Variants in PTPRD observed in about 807,000 individuals in gnomAD.
PTPRD encodes protein tyrosine phosphatase receptor type D, also known as receptor-type tyrosine-protein phosphatase delta.
In PTPRD, 34 loss-of-function variants were observed where a neutral mutation model predicts 214.5. The observed-to-expected ratio is 0.16, with a 90% CI of 0.12 to 0.21. The LOEUF is 0.21. Ranked by LOEUF, PTPRD falls within the 10% of genes least tolerant of loss-of-function variation. The pLI is 1.00. For missense variants in PTPRD, 2,545 were observed against 2,398.7 expected (o/e 1.06, Z -1.27); for synonymous variants, 1,128 against 845.7 (o/e 1.33, Z -5.79).
chr9:10,454,178 C>T (rs1387915976), intron 2 of PTPRD, among the ~76,000 whole-genome samples: 1 of 151,460 alleles, frequency 6.6e-6, no homozygotes, highest in Non-Finnish European at 1.5e-5. Context: ...AATCTGGATA[C>T]CCAGATTTCC....
At chr9:8,756,618 G>C (rs1225548694) in intron 11 of PTPRD, among the ~76,000 whole-genome samples, 1 of 152,104 alleles carries the variant, frequency 6.6e-6, no homozygotes, top group African/African-American at 2.4e-5. Flanking sequence ...AACGTTGTTA[G>C]GGAATTAAGG....
At chr9:10,604,795 A>G (rs1160119199) in intron 2 of PTPRD, among the ~76,000 whole-genome samples, 2 of 151,938 alleles carry the variant, frequency 1.3e-5, no homozygotes, top group Admixed American at 6.6e-5. Flanking sequence ...AATGTATTAT[A>G]TAATAAAATA....
chr9:8,794,606 GTAGCTGGA>G (rs2096352618), intron 11 of PTPRD, among the ~76,000 whole-genome samples: 1 of 149,080 alleles, frequency 6.7e-6, no homozygotes, highest in African/African-American at 2.5e-5. Flanking sequence ...AGCCTCCCAA[GTAGCTGGA>G]GCTACAGGCA....
At position 9,815,777 on chromosome 9, in the gene PTPRD, G is replaced by C. The variant is rs183312924; in HGVS notation, c.-367-48926C>G. Among the ~76,000 whole-genome samples the C allele has an allele frequency of 3.4e-3, 519 of 152,238 alleles. 4 individuals carry two copies. Among genetic ancestry groups the C allele is most frequent in the African/African-American group, 0.012 (493 of 41,536 alleles). On this transcript the variant is annotated intron_variant, in intron 5 of 45. Transcript: ENST00000381196. ...GGGGATGGGGCATGAGAGTATGTTG[G>C]TCAAAGAGTCCAGACTTATAAGACG...
rs72696921 is a variant in PTPRD, at chr9:10,146,887, A to G, written c.-544-113097T>C. On this transcript the variant is annotated intron_variant, in intron 3 of 45. Transcript: ENST00000381196. ...TTCAGGAAGCCTTTACAAATATCCAATATATTTGGGGAAGCTCAATAGGGA... is the reference window on the plus strand; with the variant it reads ...TTCAGGAAGCCTTTACAAATATCCAGTATATTTGGGGAAGCTCAATAGGGA... 4.0e-3 allele frequency among the ~76,000 whole-genome samples: 614 copies of G among 152,276 alleles called. 1 individual carries two copies. Among genetic ancestry groups the G allele is most frequent in the Non-Finnish European group, 6.9e-3 (466 of 68,022 alleles).
In PTPRD at chr9:8,394,749, G is replaced by A. The variant is rs149936809; in HGVS notation, c.4211-5342C>T. Among the ~76,000 whole-genome samples the A allele has an allele frequency of 7.8e-4, 119 of 152,188 alleles. 2 individuals carry two copies. Among genetic ancestry groups the A allele is most frequent in the Non-Finnish European group, 4.4e-4 (30 of 68,012 alleles). On this transcript the variant is annotated intron_variant, in intron 36 of 45. Transcript: ENST00000381196. ...TGTGTCTCTCAGATTAGGTAGGAAC[G>A]CACTCTGATGCTCTTTCAAGCTGAT...
At chr9:9,756,261 A>G (rs2098575729) in intron 6 of PTPRD, among the ~76,000 whole-genome samples, 2 of 152,100 alleles carry the variant, frequency 1.3e-5, no homozygotes, top group Non-Finnish European at 2.9e-5. Flanking sequence ...TCTAAATAAG[A>G]CAAAGTCTAT....
chr9:10,223,819 T>C (rs2099579864), intron 3 of PTPRD, among the ~76,000 whole-genome samples: 1 of 151,248 alleles, frequency 6.6e-6, no homozygotes, highest in African/African-American at 2.4e-5. Flanking sequence ...AGCTTCCATA[T>C]ACACAAAACA....
chr9:8,784,404 T>C (rs908523665), intron 11 of PTPRD, among the ~76,000 whole-genome samples: 2 of 152,232 alleles, frequency 1.3e-5, no homozygotes, highest in East Asian at 3.8e-4. Context: ...AGGCAGATAT[T>C]TTCATTGCTT....
intron 2 of PTPRD, among the ~76,000 whole-genome samples, chr9:10,434,091 T>C (rs983808754): frequency 2.0e-4 from 30 of 152,084 alleles, no homozygotes; most frequent in Non-Finnish European, 4.4e-4. Flanking sequence ...TTAATGCCCT[T>C]GACTACATCA....
At chr9:9,254,889 G>A (rs1234168066) in intron 9 of PTPRD, among the ~76,000 whole-genome samples, 1 of 151,970 alleles carries the variant, frequency 6.6e-6, no homozygotes, top group Non-Finnish European at 1.5e-5. Flanking sequence ...CCACACTTTT[G>A]ATAGGCATTG....
chr9:8,546,498 C>A (rs1468685629), intron 14 of PTPRD, among the ~76,000 whole-genome samples: 2 of 151,616 alleles, frequency 1.3e-5, no homozygotes, highest in African/African-American at 2.4e-5. Context: ...TTTCTTTTTT[C>A]TTTTTCTTTT....
chr9:10,280,636 C>A (rs1228535068), intron 3 of PTPRD, among the ~76,000 whole-genome samples: 4 of 152,100 alleles, frequency 2.6e-5, no homozygotes, highest in African/African-American at 7.2e-5. Flanking sequence ...CAGGCTCTTA[C>A]TCTGTCACAT....
At chr9:9,951,440 TG>T (rs2093444116) in intron 4 of PTPRD, among the ~76,000 whole-genome samples, 2 of 152,110 alleles carry the variant, frequency 1.3e-5, no homozygotes, top group African/African-American at 4.8e-5. Flanking sequence ...ATTGAAAAAA[TG>T]AAACAAAATT....
intron 3 of PTPRD, among the ~76,000 whole-genome samples, chr9:10,094,394 G>A (rs2098462470): frequency 6.6e-6 from 1 of 151,162 alleles, no homozygotes; most frequent in South Asian, 2.1e-4. Context: ...AGAGCCACTT[G>A]AAGAAAAGGC....
intron 33 of PTPRD, among the ~76,000 whole-genome samples, chr9:8,458,229 A>C (rs2096272145): frequency 6.6e-6 from 1 of 152,184 alleles, no homozygotes; most frequent in African/African-American, 2.4e-5. Flanking sequence ...GGATTAGGAA[A>C]AATTATAAGT....
At chr9:8,543,002 A>G (rs1466228319) in intron 14 of PTPRD, among the ~76,000 whole-genome samples, 3 of 152,244 alleles carry the variant, frequency 2.0e-5, no homozygotes, top group Non-Finnish European at 2.9e-5. Context: ...TATGACAGCC[A>G]ATGGTCTCCT....
At chr9:9,850,631 A>T (rs66506857) in intron 5 of PTPRD, among the ~76,000 whole-genome samples, 1 of 151,908 alleles carries the variant, frequency 6.6e-6, no homozygotes, top group Non-Finnish European at 1.5e-5. Context: ...GGAATGATGA[A>T]ATCAAGCTAA....
At chr9:9,673,434 A>C (rs1395059624) in intron 7 of PTPRD, among the ~76,000 whole-genome samples, 1 of 151,906 alleles carries the variant, frequency 6.6e-6, no homozygotes, top group Non-Finnish European at 1.5e-5. Context: ...CATAGTAAGA[A>C]ATGTAACTCT....
Sources: allele counts gnomAD v4.1 joint callset (sites outside exome capture counted in the v4.1 genomes callset), GRCh38; gene constraint gnomAD v4.1.1; transcripts MANE v1.5; gene names NCBI Gene and HGNC (gene_info 2026-07-23, HGNC 2026-07-21).